The following DCAF12L1 variants were observed in gnomAD, a reference collection of about 807,000 sequenced individuals.
DCAF12L1 encodes DDB1- and CUL4-associated factor 12-like protein 1.
For synonymous variants in DCAF12L1, 218 were observed against 196.4 expected (o/e 1.11, Z -0.92); for missense variants, 251 against 409.2 (o/e 0.61, Z 3.34).
intron 1 of DCAF12L1, 33 bp from the exon 2 acceptor site, chrX:126,551,140 A>C (rs1927452596): frequency 1.4e-5 from 16 of 1,120,557 alleles, no homozygotes; most frequent in Non-Finnish European, 1.9e-5. Context: ...AGTTAAAAGC[A>C]AAAAAATGCA....
rs201859690 is a variant in DCAF12L1 at position 126,551,569 on chromosome X, C to T, written c.1040G>A (p.Arg347Gln). 2.4e-4 allele frequency: 289 copies of T among 1,209,618 alleles called. 2 individuals are homozygous for T. Among genetic ancestry groups the T allele is most frequent in the Non-Finnish European group, 2.8e-5 (25 of 895,147 alleles). ...DQQNIRPLCS[R>Q]EGGTGVRSLS... is the part of the protein sequence containing the mutation. ...CGACCGCACGCCTGTGCCACCCTCT[C>T]GAGAACACAGGGGCCGGATGTTCTG... Residue 347 changes from arginine to glutamine, a missense_variant, in exon 1 of 2, where the codon CGA becomes CAA. Transcript: ENST00000371126.
rs1927448729 is a variant in DCAF12L1 at position 126,550,874 on chromosome X, A to C, written c.*256T>G. Reference sequence around the variant, plus strand: ...GTAACGAGGAAAAACAAGGAAAACAAATATACATAACTGAAAGACCATGAC... The same window carrying C: ...GTAACGAGGAAAAACAAGGAAAACACATATACATAACTGAAAGACCATGAC... On this transcript the variant is annotated 3_prime_UTR_variant, in exon 2 of 2. Transcript: ENST00000371126. 1.6e-5 allele frequency: 3 copies of C among 188,051 alleles called. No homozygotes were observed. The highest frequency in any genetic ancestry group is 2.9e-5 in the Non-Finnish European group (3 of 101,761). The allele number at this position is 188,051 out of a possible 1,213,427, so 15.5% of individuals were successfully genotyped here. A position where few individuals can be genotyped will look rare whatever the true frequency, so the allele number is the denominator to read the frequency against.
intron 1 of DCAF12L1, 37 bp from the exon 2 acceptor site, chrX:126,551,144 A>C: frequency 8.8e-7 from 1 of 1,132,089 alleles, no homozygotes; most frequent in Non-Finnish European, 1.2e-6. Context: ...AAAAGCAAAA[A>C]AATGCAGCAT....
At position 126,549,871 on chromosome X, in the gene DCAF12L1, T is replaced by C. The variant is rs1927433738; in HGVS notation, c.*1259A>G. 1 of 112,116 alleles carries C rather than the reference T, an allele frequency of 8.9e-6. No homozygotes were observed. Among genetic ancestry groups the C allele is most frequent in the South Asian group, 3.7e-4 (1 of 2,710 alleles). 9.2% of individuals were successfully genotyped at this position (112,116 alleles called of 1,213,427 possible). ...TTCTCACTTCCAGTAGTCTCACATATGGAGAAGTACAACCTGTTTTCATAG... is the reference window on the plus strand; with the variant it reads ...TTCTCACTTCCAGTAGTCTCACATACGGAGAAGTACAACCTGTTTTCATAG... On this transcript the variant is annotated 3_prime_UTR_variant, in exon 2 of 2. Transcript: ENST00000371126.
At position 126,549,704 on chromosome X, in the gene DCAF12L1, G is replaced by A. The variant is rs1133321; in HGVS notation, c.*1426C>T. On this transcript the variant is annotated 3_prime_UTR_variant, in exon 2 of 2. Transcript: ENST00000371126. ...TACAATTTATTATATTAAGTTGTTC[G>A]GATTTGTGACTGAACAGCAATGTTG... 1 of 111,818 alleles carries A rather than the reference G, an allele frequency of 8.9e-6. No homozygotes were observed. Among genetic ancestry groups the A allele is most frequent in the African/African-American group, 3.3e-5 (1 of 30,760 alleles). 9.2% of individuals were successfully genotyped at this position (111,818 alleles called of 1,213,427 possible). A position where few individuals can be genotyped will look rare whatever the true frequency, so the allele number is the denominator to read the frequency against.
chrX:126,550,900 T>C lies in DCAF12L1; in HGVS notation c.*230A>G. ...ATATACATAACTGAAAGACCATGAC[T>C]GCATCTTCTTAAAGAAACAGAATGT... On this transcript the variant is annotated 3_prime_UTR_variant, in exon 2 of 2. Transcript: ENST00000371126. 1 of 233,853 alleles carries C rather than the reference T, an allele frequency of 4.3e-6. No individual in the cohort carries two copies. Among genetic ancestry groups the C allele is most frequent in the Non-Finnish European group, 7.7e-6 (1 of 130,337 alleles). 19.3% of individuals were successfully genotyped at this position (233,853 alleles called of 1,213,427 possible).
In DCAF12L1 at chrX:126,551,697, G is replaced by A. The variant is rs1202757606; in HGVS notation, c.912C>T (p.Pro304=). ...ALSRLLSIRL[P]YFRDNVCLTY... ...TCAGGCACACATTATCCCGGAAGTA[G>A]GGCAGCCTGATGGACAGCAGCCTGG... Residue 304 remains proline (P), a synonymous_variant, in exon 1 of 2, where the codon CCC becomes CCT. Coordinates refer to ENST00000371126, the MANE Select transcript of DCAF12L1 (RefSeq NM_178470.5). 1 of 1,212,097 alleles carries A rather than the reference G, an allele frequency of 8.3e-7. No homozygotes were observed. Among genetic ancestry groups the A allele is most frequent in the Non-Finnish European group, 1.1e-6 (1 of 895,629 alleles).
At position 126,551,217 on chromosome X, in the gene DCAF12L1, T is replaced by G; in HGVS notation, c.1392A>C (p.Ter464TyrextTer2). 1 of 1,203,337 alleles carries G rather than the reference T, an allele frequency of 8.3e-7. No individual in the cohort carries two copies. The highest frequency in any genetic ancestry group is 1.1e-6 in the Non-Finnish European group (1 of 891,699). The change falls in exon 1 of 2, where the codon TAA becomes TAC. Residue 464 changes from the stop codon to tyrosine (Y), a stop_lost. Coordinates refer to ENST00000371126, the MANE Select transcript of DCAF12L1 (RefSeq NM_178470.5). ...TACCTGGAGTACAAGGCGGTCATCCTTAGCTCCAGAGGCCTGCATAGTTCC... is the reference window on the plus strand; with the variant it reads ...TACCTGGAGTACAAGGCGGTCATCCGTAGCTCCAGAGGCCTGCATAGTTCC... ...LHGNYAGLWS* is the reference protein window; with the variant it reads ...LHGNYAGLWSY
At position 126,552,356 on chromosome X, in the gene DCAF12L1, C is replaced by G; in HGVS notation, c.253G>C (p.Glu85Gln). 8.3e-7 allele frequency: 1 copy of G among 1,211,858 alleles called. No homozygotes were observed. Among genetic ancestry groups the G allele is most frequent in the Non-Finnish European group, 1.1e-6 (1 of 895,615 alleles). ...LRGYAVQRLP[E>Q]LLTERQLELG... is the part of the protein sequence containing the mutation. ...TCCAGTTGGCGCTCCGTCAGCAGCTCGGGCAGCCTCTGTACCGCGTAGCCC... is the reference window on the plus strand; with the variant it reads ...TCCAGTTGGCGCTCCGTCAGCAGCTGGGGCAGCCTCTGTACCGCGTAGCCC... The change falls in exon 1 of 2, where the codon GAG (glutamate) becomes CAG (glutamine). Residue 85 changes from glutamate (E) to glutamine (Q), a missense_variant. Physicochemically the swap from Glu to Gln is conservative, Grantham distance 29. Coordinates refer to ENST00000371126, the MANE Select transcript of DCAF12L1 (RefSeq NM_178470.5).
In DCAF12L1 at chrX:126,551,954, G is replaced by A; in HGVS notation, c.655C>T (p.Leu219=). ...AACTTGTCCGGGTCCATCCGCCACA[G>A]CGCCACAGTGCCGTCGCGGGAGCCG... The part of the protein sequence containing the change: ...VSGSRDGTVA[L]WRMDPDKFDD... Residue 219 remains leucine (L), a synonymous_variant, in exon 1 of 2, where the codon CTG becomes TTG. Transcript: ENST00000371126. The A allele has an allele frequency of 8.2e-7, 1 of 1,212,390 alleles. No individual in the cohort carries two copies. Among genetic ancestry groups the A allele is most frequent in the Non-Finnish European group, 1.1e-6 (1 of 895,654 alleles).
chrX:126,551,706 G>A lies in DCAF12L1; in HGVS notation c.903C>T (p.Ile301=). ...AGSALSRLLS[I]RLPYFRDNVC... ...CATTATCCCGGAAGTAGGGCAGCCT[G>A]ATGGACAGCAGCCTGGATAGTGCGC... The change falls in exon 1 of 2, where the codon ATC becomes ATT. Residue 301 remains isoleucine (I), a synonymous_variant. Transcript: ENST00000371126. 8.2e-7 allele frequency: 1 copy of A among 1,212,232 alleles called. No individual in the cohort carries two copies. The highest frequency in any genetic ancestry group is 1.1e-6 in the Non-Finnish European group (1 of 895,654).
chrX:126,552,172 T>G lies in DCAF12L1; in HGVS notation c.437A>C (p.Asp146Ala), dbSNP rs762859614. ...GGCATGGATGCCGCAGCCCTGTTGG[T>G]CCTGGGCCAGCCTGGCCTCACTGTC... Reference protein sequence around the residue: ...LRDSEARLAQDQQGCGIHAIE... With the variant: ...LRDSEARLAQAQQGCGIHAIE... Residue 146 changes from aspartate to alanine, a missense_variant, in exon 1 of 2, where the codon GAC (aspartate) becomes GCC (alanine). Transcript: ENST00000371126. The G allele has an allele frequency of 2.5e-5, 30 of 1,211,487 alleles. No homozygotes were observed. The highest frequency in any genetic ancestry group is 1.4e-4 in the South Asian group (8 of 56,977).
rs747760238 is a variant in DCAF12L1 at position 126,551,882 on chromosome X, C to A, written c.727G>T (p.Ala243Ser). The change falls in exon 1 of 2, where the codon GCC becomes TCC. Residue 243 changes from alanine to serine, a missense_variant. Physicochemically the swap from Ala to Ser is moderately conservative, Grantham distance 99. Transcript: ENST00000371126. Reference sequence around the variant, plus strand: ...TCCACATCCCTCGGACGGATGTGGGCATATACGGGGAGACCCACCTCGCTA... The same window carrying A: ...TCCACATCCCTCGGACGGATGTGGGAATATACGGGGAGACCCACCTCGCTA... Reference protein sequence around the residue: ...WHSEVGLPVYAHIRPRDVEAI... With the variant: ...WHSEVGLPVYSHIRPRDVEAI... 1 of 1,212,267 alleles carries A rather than the reference C, an allele frequency of 8.2e-7. No homozygotes were observed. The highest frequency in any genetic ancestry group is 3.0e-5 in the East Asian group (1 of 33,821).
rs1304645691 is a variant in DCAF12L1 at position 126,552,556 on chromosome X, G to A, written c.53C>T (p.Ala18Val). Residue 18 changes from alanine (A) to valine (V), a missense_variant, in exon 1 of 2, where the codon GCG becomes GTG. By Grantham distance (64) the Ala-to-Val change is moderately conservative (BLOSUM62 0). Transcript: ENST00000371126. ...SRKRKAPAVE[A>V]DAESSPSQGL... ...CTGCGACGGCGAGCTCTCGGCGTCC[G>A]CCTCGACCGCGGGCGCTTTCCGTTT... The A allele has an allele frequency of 1.7e-6, 2 of 1,206,648 alleles. No homozygotes were observed. The highest frequency in any genetic ancestry group is 1.1e-6 in the Non-Finnish European group (1 of 895,034).
rs776600036 is a variant in DCAF12L1, at chrX:126,552,336, T to C, written c.273A>G (p.Gln91=). The C allele has an allele frequency of 6.6e-6, 8 of 1,212,145 alleles. No homozygotes were observed. The highest frequency in any genetic ancestry group is 3.5e-5 in the South Asian group (2 of 57,047). The change falls in exon 1 of 2, where the codon CAA becomes CAG. Residue 91 remains glutamine (Q), a synonymous_variant. Coordinates refer to ENST00000371126, the MANE Select transcript of DCAF12L1 (RefSeq NM_178470.5). The stretch of plus-strand genomic sequence containing the variant: ...CCTTGTTGACCGTGCCCAGCTCCAG[T>C]TGGCGCTCCGTCAGCAGCTCGGGCA... ...QRLPELLTER[Q]LELGTVNKVF...
rs973349253 is a variant in DCAF12L1, at chrX:126,550,539, T to C, written c.*591A>G. 9.8e-5 allele frequency: 11 copies of C among 112,628 alleles called. No homozygotes were observed. The highest frequency in any genetic ancestry group is 3.2e-4 in the African/African-American group (10 of 30,945). The allele number at this position is 112,628 out of a possible 1,213,427, so 9.3% of individuals were successfully genotyped here. On this transcript the variant is annotated 3_prime_UTR_variant, in exon 2 of 2. Transcript: ENST00000371126. ...AAGCAGAACCCCTGCACTCCTAAAGTGTTCCGACCAATTAGGAGTTTGATA... is the reference window on the plus strand; with the variant it reads ...AAGCAGAACCCCTGCACTCCTAAAGCGTTCCGACCAATTAGGAGTTTGATA...
In DCAF12L1 at chrX:126,550,882, T is replaced by G. The variant is rs1927448782; in HGVS notation, c.*248A>C. ...GAAAAACAAGGAAAACAAATATACA[T>G]AACTGAAAGACCATGACTGCATCTT... On this transcript the variant is annotated 3_prime_UTR_variant, in exon 2 of 2. Coordinates refer to ENST00000371126, the MANE Select transcript of DCAF12L1 (RefSeq NM_178470.5). 2 of 199,173 alleles carry G rather than the reference T, an allele frequency of 1.0e-5. No homozygotes were observed. Among genetic ancestry groups the G allele is most frequent in the South Asian group, 5.0e-4 (2 of 3,995 alleles). 16.4% of individuals were successfully genotyped at this position (199,173 alleles called of 1,213,427 possible). A position where few individuals can be genotyped will look rare whatever the true frequency, so the allele number is the denominator to read the frequency against.
In DCAF12L1 at chrX:126,552,640, C is replaced by A; in HGVS notation, c.-32G>T. ...CGGCGGGCGAGCGGCGGCGGCAAGGCGTTGGTGGCGGTTGCAGCGCGTGGC... is the reference window on the plus strand; with the variant it reads ...CGGCGGGCGAGCGGCGGCGGCAAGGAGTTGGTGGCGGTTGCAGCGCGTGGC... On this transcript the variant is annotated 5_prime_UTR_variant, in exon 1 of 2. Transcript: ENST00000371126. 2 of 1,197,269 alleles carry A rather than the reference C, an allele frequency of 1.7e-6. No individual in the cohort carries two copies. The highest frequency in any genetic ancestry group is 1.8e-5 in the South Asian group (1 of 55,857).
Position 126,551,978 on chromosome X carries a change from C to T in DCAF12L1, c.631G>A (p.Gly211Ser). The change falls in exon 1 of 2, where the codon GGC becomes AGC. Residue 211 changes from glycine (G) to serine (S), a missense_variant. Gly to Ser is a moderately conservative substitution (Grantham distance 56, BLOSUM62 0). Transcript: ENST00000371126. ...AWLSDTVAVS[G>S]SRDGTVALWR... ...AGCGCCACAGTGCCGTCGCGGGAGC[C>T]GCTCACGGCTACGGTGTCACTCAGC... 1 of 1,212,469 alleles carries T rather than the reference C, an allele frequency of 8.2e-7. No homozygotes were observed.
Sources: gnomAD v4.1 joint callset for allele counts on GRCh38, gnomAD v4.1.1 for gene constraint, MANE v1.5 for transcripts, NCBI Gene and HGNC (gene_info 2026-07-23, HGNC 2026-07-21) for gene names.